Variants in SYTL2 observed in about 807,000 individuals in gnomAD.
SYTL2 encodes the protein synaptotagmin like 2.
A neutral mutation model predicts 198.7 loss-of-function variants in SYTL2; 165 were observed. The ratio of observed to expected loss-of-function variants is 0.83; its 90% CI spans 0.73 to 0.94. The LOEUF (loss-of-function observed/expected upper bound fraction) is 0.94, where lower values mean the gene tolerates loss of function less well. Among genes scored for constraint, SYTL2 ranks in the 40% least tolerant of loss-of-function variants. The pLI is 0.00. For missense variants in SYTL2, 2,835 were observed against 2,582.8 expected (o/e 1.10, Z -2.12); for synonymous variants, 966 against 917.7 (o/e 1.05, Z -0.95).
At chr11:85,714,798 G>A (rs949084595) in intron 11 of SYTL2, 2 of 625,646 alleles carry the variant, frequency 3.2e-6, no homozygotes, top group East Asian at 8.7e-5. Flanking sequence ...TATACTGTCA[G>A]TGTGAATTGG....
chr11:85,846,176 G>C, the SYTL2 span, among the ~76,000 whole-genome samples: 1 of 152,212 alleles, frequency 6.6e-6, no homozygotes, highest in South Asian at 2.1e-4. Context: ...TCTCCAGCAT[G>C]GTTGTCTCAT....
At chr11:85,796,721 C>T (rs1218819157) in intron 1 of SYTL2, among the ~76,000 whole-genome samples, 1 of 152,230 alleles carries the variant, frequency 6.6e-6, no homozygotes. Flanking sequence ...TGTTTCCCCA[C>T]AATCTATACA....
intron 1 of SYTL2, among the ~76,000 whole-genome samples, chr11:85,781,746 A>G (rs1337392736): frequency 1.3e-5 from 2 of 152,188 alleles, no homozygotes; most frequent in Non-Finnish European, 2.9e-5. Flanking sequence ...GGGCAGTCAA[A>G]TCTTAAAGCT....
At chr11:85,806,705 A>T (rs1264368919) in intron 1 of SYTL2, among the ~76,000 whole-genome samples, 2 of 152,248 alleles carry the variant, frequency 1.3e-5, no homozygotes, top group African/African-American at 4.8e-5. Context: ...CAGAAAGTAG[A>T]AACATTTTCT....
At chr11:85,760,515 A>T (rs1309240997) in intron 1 of SYTL2, among the ~76,000 whole-genome samples, 3 of 152,182 alleles carry the variant, frequency 2.0e-5, no homozygotes, top group Non-Finnish European at 4.4e-5. Context: ...CCTTTCTTTC[A>T]CGTGCAGTAA....
the SYTL2 span, among the ~76,000 whole-genome samples, chr11:85,842,220 C>A: frequency 1.3e-5 from 2 of 152,164 alleles, no homozygotes; most frequent in Admixed American, 1.3e-4. Flanking sequence ...TGCCCATATC[C>A]CCTCAGCATT....
Position 85,734,428 on chromosome 11 carries a change from C to T in SYTL2, c.901G>A (p.Val301Met). 2.5e-6 allele frequency: 4 copies of T among 1,614,182 alleles called. No homozygotes were observed. Among genetic ancestry groups the T allele is most frequent in the Non-Finnish European group, 1.7e-6 (2 of 1,180,032 alleles). ...NHNFEPKSKI[V>M]SPGLTIHERI... ...TCATGGATGGTTAGGCCAGGTGACA[C>T]AATTTTGCTTTTGGGTTCAAAGTTG... The change falls in exon 7 of 20, where the codon GTG (valine) becomes ATG (methionine). Residue 301 changes from valine (V) to methionine (M), a missense_variant. By Grantham distance (21) the Val-to-Met change is conservative (BLOSUM62 1). Transcript: ENST00000359152.
chr11:85,814,404 G>A (rs1566053406), upstream of SYTL2, among the ~76,000 whole-genome samples: 1 of 152,332 alleles, frequency 6.6e-6, no homozygotes, highest in South Asian at 2.1e-4. Context: ...ACATGTAAAG[G>A]TTGGTGCTGG....
chr11:85,709,693 T>C (rs2085915111), intron 13 of SYTL2, among the ~76,000 whole-genome samples, 193 bp from the exon 14 acceptor site: 1 of 152,188 alleles, frequency 6.6e-6, no homozygotes, highest in Admixed American at 6.5e-5. Flanking sequence ...TTGTTTCATT[T>C]TGTTTTTGAG....
intron 5 of SYTL2, among the ~76,000 whole-genome samples, chr11:85,736,903 A>C (rs767346494): frequency 2.6e-5 from 4 of 152,214 alleles, no homozygotes; most frequent in Non-Finnish European, 4.4e-5. Context: ...TTGGCCCCGG[A>C]TATAGCAAAG....
intron 1 of SYTL2, among the ~76,000 whole-genome samples, chr11:85,784,261 C>T (rs542445075): frequency 1.8e-4 from 28 of 152,152 alleles, no homozygotes; most frequent in African/African-American, 6.5e-4. Context: ...ATGACAGAGA[C>T]GGTGCAATGC....
At chr11:85,737,504 T>G in intron 5 of SYTL2, 71 bp downstream of exon 5, 1 of 1,200,976 alleles carries the variant, frequency 8.3e-7, no homozygotes, top group South Asian at 1.3e-5. Context: ...TATTTTGTGG[T>G]GCTTTGACAC....
intron 1 of SYTL2, among the ~76,000 whole-genome samples, chr11:85,795,067 T>A (rs868711964): frequency 6.6e-6 from 1 of 152,130 alleles, no homozygotes; most frequent in Non-Finnish European, 1.5e-5. Flanking sequence ...TGGTAAAATA[T>A]CTACTTAAAA....
chr11:85,739,389 TAGTC>T (rs776175199), intron 4 of SYTL2, among the ~76,000 whole-genome samples: 6 of 151,128 alleles, frequency 4.0e-5, no homozygotes, highest in Non-Finnish European at 8.8e-5. Context: ...TCAGAACACA[TAGTC>T]AGACACTAAA....
intron 11 of SYTL2, chr11:85,714,719 C>A: frequency 8.3e-7 from 1 of 1,207,242 alleles, no homozygotes; most frequent in Non-Finnish European, 1.0e-6. Flanking sequence ...GGAGTTGAAC[C>A]AAATACAAAA....
At chr11:85,751,017 G>C (rs2091479180) in intron 2 of SYTL2, among the ~76,000 whole-genome samples, 1 of 145,950 alleles carries the variant, frequency 6.9e-6, no homozygotes, top group Non-Finnish European at 1.5e-5. Flanking sequence ...CTAAATGACT[G>C]TCTGTAAGCC....
chr11:85,751,523 G>A (rs866033045), intron 2 of SYTL2, among the ~76,000 whole-genome samples: 3 of 152,288 alleles, frequency 2.0e-5, no homozygotes, highest in Non-Finnish European at 4.4e-5. Context: ...ACACACACAC[G>A]TTATGTTTAG....
At chr11:85,797,854 T>C (rs1315246152) in intron 1 of SYTL2, among the ~76,000 whole-genome samples, 2 of 151,744 alleles carry the variant, frequency 1.3e-5, no homozygotes, top group Admixed American at 6.6e-5. Flanking sequence ...GTTGTTGTTG[T>C]TGTTGTTCTT....
Position 85,711,248 on chromosome 11 carries a change from T to C in SYTL2, c.5626-16A>G. 2 of 1,608,316 alleles carry C rather than the reference T, an allele frequency of 1.2e-6. No homozygotes were observed. Among genetic ancestry groups the C allele is most frequent in the East Asian group, 2.2e-5 (1 of 44,812 alleles). Reference sequence around the variant, plus strand: ...TGTCATCACTCTACAAAACAGCATATAATATGCACAATATTTAAATTCAGA... The same window carrying C: ...TGTCATCACTCTACAAAACAGCATACAATATGCACAATATTTAAATTCAGA... On this transcript the variant is annotated splice_polypyrimidine_tract_variant and intron_variant, in intron 12 of 19. Transcript: ENST00000359152.
Sources: allele counts gnomAD v4.1 joint callset (sites outside exome capture counted in the v4.1 genomes callset), GRCh38; gene constraint gnomAD v4.1.1; transcripts MANE v1.5; gene names NCBI Gene and HGNC (gene_info 2026-07-23, HGNC 2026-07-21).